The following TJP2 variants were observed in gnomAD, a reference collection of about 807,000 sequenced individuals.
TJP2 encodes Friedreich ataxia region gene X104 (tight junction protein ZO-2).
A neutral mutation model predicts 133.1 loss-of-function variants in TJP2; 91 were observed. The ratio of observed to expected loss-of-function variants is 0.68; its 90% CI spans 0.58 to 0.81. TJP2 has a LOEUF of 0.81. TJP2 is among the 40% of genes least tolerant of loss of function. TJP2 has a pLI of 0.00. For missense variants in TJP2, 1,541 were observed against 1,565.6 expected, an observed-to-expected ratio of 0.98 and a Z score of 0.26; for synonymous variants, 592 against 583.4, an observed-to-expected ratio of 1.01 and a Z score of -0.21.
chr9:69,245,926 C>T (rs1044097366), intron 17 of TJP2, among the ~76,000 whole-genome samples: 3 of 152,184 alleles, frequency 2.0e-5, no homozygotes, highest in African/African-American at 4.8e-5. Context: ...GATATACAGT[C>T]AGCTCTCCAT....
At chr9:69,174,516 C>A in intron 1 of TJP2, 84 bp downstream of exon 1, 1 of 1,421,316 alleles carries the variant, frequency 7.0e-7, no homozygotes, top group Non-Finnish European at 9.7e-7. Flanking sequence ...TCGCGTGCTG[C>A]TCTGAAGTTG....
chr9:69,178,782 A>G (rs150299645), intron 1 of TJP2, among the ~76,000 whole-genome samples: 113 of 152,230 alleles, frequency 7.4e-4, no homozygotes, highest in African/African-American at 2.6e-3. Context: ...TGTTGGTATG[A>G]TATTTTTGAT....
intron 2 of TJP2, among the ~76,000 whole-genome samples, chr9:69,157,308 C>T (rs939862820): frequency 2.6e-5 from 4 of 152,142 alleles, no homozygotes; most frequent in Non-Finnish European, 4.4e-5. Flanking sequence ...TCATACCCAT[C>T]CCATGAGGTG....
intron 1 of TJP2, among the ~76,000 whole-genome samples, chr9:69,207,117 T>C (rs142551343): frequency 1.1e-3 from 166 of 152,266 alleles, no homozygotes; most frequent in Middle Eastern, 3.4e-3. Flanking sequence ...ATATTTCCAC[T>C]GCATGCGTGC....
intron 17 of TJP2, among the ~76,000 whole-genome samples, chr9:69,245,341 T>C (rs1197576570): frequency 1.3e-5 from 2 of 152,170 alleles, no homozygotes; most frequent in Admixed American, 1.3e-4. Flanking sequence ...TCTTTTTGGC[T>C]TTAGAAGTGA....
chr9:69,236,243 C>T lies in TJP2; in HGVS notation c.1991+5C>T. On this transcript the variant is annotated splice_donor_5th_base_variant and intron_variant, in intron 13 of 22. Coordinates refer to ENST00000377245, the MANE Select transcript of TJP2 (RefSeq NM_004817.4). ...CTTAATCCCCAACAAGAGCAGGTAACAGAGATCGCATTCTCACATACCCCT... is the reference window on the plus strand; with the variant it reads ...CTTAATCCCCAACAAGAGCAGGTAATAGAGATCGCATTCTCACATACCCCT... 6.2e-7 allele frequency: 1 copy of T among 1,613,552 alleles called. No individual in the cohort carries two copies. Among genetic ancestry groups the T allele is most frequent in the East Asian group, 2.2e-5 (1 of 44,874 alleles).
chr9:69,215,400 T>TG (rs961313335), intron 2 of TJP2, among the ~76,000 whole-genome samples: 9 of 149,196 alleles, frequency 6.0e-5, no homozygotes, highest in African/African-American at 1.5e-4. Flanking sequence ...GTTTTTTTTT[T>TG]TTGTTTTTTA....
intron 7 of TJP2, 99 bp from the exon 8 acceptor site, chr9:69,227,666 A>G (rs1829451344): frequency 2.4e-6 from 2 of 828,714 alleles, no homozygotes; most frequent in East Asian, 2.7e-5. Context: ...CCTCGTTTCC[A>G]TTTCCCGTGT....
At chr9:69,137,566 G>A (rs943020771) in intron 1 of TJP2, among the ~76,000 whole-genome samples, 7 of 151,748 alleles carry the variant, frequency 4.6e-5, no homozygotes, top group African/African-American at 1.7e-4. Context: ...GTTTTGTCAT[G>A]TTGCCCAGGC....
At chr9:69,204,770 A>G in intron 1 of TJP2, 1 of 1,020,932 alleles carries the variant, frequency 9.8e-7, no homozygotes, top group Non-Finnish European at 1.2e-6. Flanking sequence ...TCTATACTGT[A>G]TAAATACTTC....
At chr9:69,169,688 T>C (rs894208219), upstream of TJP2, among the ~76,000 whole-genome samples, 1 of 152,128 alleles carries the variant, frequency 6.6e-6, no homozygotes, top group African/African-American at 2.4e-5. Context: ...GTGTTAGTTT[T>C]CTTTGCTCCC....
intron 1 of TJP2, among the ~76,000 whole-genome samples, chr9:69,190,328 C>T (rs1826125558): frequency 6.6e-6 from 1 of 152,182 alleles, no homozygotes; most frequent in African/African-American, 2.4e-5. Context: ...AGTTAATCTT[C>T]TTCTTTGAAG....
At chr9:69,165,128 C>A (rs961396528) in intron 2 of TJP2, among the ~76,000 whole-genome samples, 1 of 151,950 alleles carries the variant, frequency 6.6e-6, no homozygotes, top group Non-Finnish European at 1.5e-5. Context: ...CGGCGCCTGG[C>A]TGGATTCTTT....
intron 17 of TJP2, among the ~76,000 whole-genome samples, chr9:69,241,978 T>C (rs967611795): frequency 1.3e-5 from 2 of 152,186 alleles, no homozygotes; most frequent in Middle Eastern, 3.2e-3. Flanking sequence ...CACTTTATTT[T>C]CCCCCCTGCT....
At chr9:69,217,065 T>C (rs1239643723) in intron 3 of TJP2, among the ~76,000 whole-genome samples, 1 of 151,392 alleles carries the variant, frequency 6.6e-6, no homozygotes, top group African/African-American at 2.4e-5. Flanking sequence ...CTCAGCTCAC[T>C]GCAACCATCA....
chr9:69,247,932 T>C (rs990163389), intron 18 of TJP2, 80 bp from the exon 19 acceptor site: 13 of 1,395,864 alleles, frequency 9.3e-6, no homozygotes, highest in Non-Finnish European at 1.2e-5. Context: ...CGCTTGGCTG[T>C]GTCCTTGGGA....
At chr9:69,158,707 C>T (rs1177576624) in intron 2 of TJP2, among the ~76,000 whole-genome samples, 3 of 152,118 alleles carry the variant, frequency 2.0e-5, no homozygotes, top group Admixed American at 1.3e-4. Context: ...CCTGCTTCAG[C>T]CTCCCAAAGT....
chr9:69,209,888 C>T (rs1827737348), intron 1 of TJP2, among the ~76,000 whole-genome samples: 1 of 152,050 alleles, frequency 6.6e-6, no homozygotes, highest in Admixed American at 6.5e-5. Context: ...GGCTATAGAG[C>T]ACATCTAGAA....
At chr9:69,237,202 C>G (rs1830252321) in intron 14 of TJP2, 66 bp downstream of exon 14, 1 of 1,580,812 alleles carries the variant, frequency 6.3e-7, no homozygotes, top group African/African-American at 1.3e-5. Context: ...CCTTTATTTT[C>G]AGACTGTATG....
Sources: allele counts gnomAD v4.1 joint callset (sites outside exome capture counted in the v4.1 genomes callset), GRCh38; gene constraint gnomAD v4.1.1; transcripts MANE v1.5; gene names NCBI Gene and HGNC (gene_info 2026-07-23, HGNC 2026-07-21).